Variants in TAFA5 observed in about 807,000 individuals in gnomAD.
TAFA5 encodes the protein TAFA chemokine like family member 5.
In TAFA5, 6 loss-of-function variants were observed where a neutral mutation model predicts 15.3. That is an observed-to-expected ratio of 0.39 (90% CI 0.21 to 0.77). The LOEUF (loss-of-function observed/expected upper bound fraction) is 0.77. Ranked by LOEUF, TAFA5 falls within the 30% of genes least tolerant of loss-of-function variation. The probability of loss-of-function intolerance (pLI) is 0.41; values close to 1 mark genes in which losing one functional copy is unlikely to be tolerated. For missense variants in TAFA5, 161 were observed against 193.1 expected (o/e 0.83, Z 0.98); for synonymous variants, 103 against 80.7 (o/e 1.28, Z -1.48).
At chr22:48,537,309 C>T (rs1170371211) in intron 1 of TAFA5, among the ~76,000 whole-genome samples, 1 of 152,222 alleles carries the variant, frequency 6.6e-6, no homozygotes, top group East Asian at 1.9e-4. Flanking sequence ...TGGTGCATTT[C>T]CAGGCAAGAT....
At chr22:48,562,492 A>G (rs1176904722) in intron 1 of TAFA5, among the ~76,000 whole-genome samples, 1 of 149,606 alleles carries the variant, frequency 6.7e-6, no homozygotes. Flanking sequence ...ACTGAACAGT[A>G]GTGTGGACCT....
At position 48,723,355 on chromosome 22, in the gene TAFA5, G is replaced by A. The variant is rs77437139; in HGVS notation, c.390+15511G>A. Among the ~76,000 whole-genome samples the A allele has an allele frequency of 8.6e-3, 1,306 of 152,286 alleles. 30 individuals carry two copies. The highest frequency in any genetic ancestry group is 0.03 in the African/African-American group (1,247 of 41,554). ...AAATTACTTTAAATGTCAGCTCCCC[G>A]TTAAACCCAAGATATGGCGGGTGGC... On this transcript the variant is annotated intron_variant, in intron 3 of 3. Coordinates refer to ENST00000402357, the MANE Select transcript of TAFA5 (RefSeq NM_001082967.3).
rs1181552184 is a variant in TAFA5, at chr22:48,598,547, TTG to T, written c.113-48045_113-48044del. 6.6e-6 allele frequency among the ~76,000 whole-genome samples: 1 copy of T among 152,154 alleles called. No individual in the cohort carries two copies. The highest frequency in any genetic ancestry group is 2.4e-5 in the African/African-American group (1 of 41,434). ...CCAGCAGTGGCTGCATCTTAGGCAG[TTG>T]TGTGAGATGACCTCCATGTAGGCTG... is the stretch of plus-strand genomic sequence containing the variant. On this transcript the variant is annotated intron_variant, in intron 1 of 3. Coordinates refer to ENST00000402357, the MANE Select transcript of TAFA5 (RefSeq NM_001082967.3). The surrounding 1 kb of genome is among the most constrained non-coding windows in gnomAD (Gnocchi z 4.0).
chr22:48,665,953 G>A (rs566142717), intron 2 of TAFA5, among the ~76,000 whole-genome samples: 15 of 152,206 alleles, frequency 9.9e-5, no homozygotes, highest in South Asian at 6.2e-4. Flanking sequence ...CGCCCCCATC[G>A]CCCCCACCCT....
intron 1 of TAFA5, among the ~76,000 whole-genome samples, chr22:48,631,144 G>A (rs79915920): frequency 2.0e-5 from 3 of 152,214 alleles, no homozygotes; most frequent in Admixed American, 1.3e-4. Flanking sequence ...GGACGGTCAG[G>A]GGACCGGGGC....
At chr22:48,710,538 G>T (rs1306027274) in intron 3 of TAFA5, among the ~76,000 whole-genome samples, 14 of 152,076 alleles carry the variant, frequency 9.2e-5, no homozygotes, top group African/African-American at 2.9e-4. Context: ...GTCCAGGGCC[G>T]CCCAAGCAGC....
intron 1 of TAFA5, chr22:48,576,271 C>A (rs1223028887): frequency 1.3e-6 from 1 of 775,100 alleles, no homozygotes; most frequent in Non-Finnish European, 1.7e-6. Context: ...CGCGGCGCCC[C>A]CCTCCCCCCG....
At chr22:48,576,047 C>CA (rs1353924599) in intron 1 of TAFA5, among the ~76,000 whole-genome samples, 1 of 110,976 alleles carries the variant, frequency 9.0e-6, no homozygotes, top group Non-Finnish European at 1.9e-5. Context: ...GGACCCCCCC[C>CA]CCCCCCGCGC....
At chr22:48,624,104 G>A (rs546726632) in intron 1 of TAFA5, among the ~76,000 whole-genome samples, 40 of 152,272 alleles carry the variant, frequency 2.6e-4, no homozygotes, top group African/African-American at 7.2e-4. Context: ...CAGACTTTCC[G>A]TGTTGTTGAT....
intron 2 of TAFA5, among the ~76,000 whole-genome samples, chr22:48,700,415 G>A (rs1281305030): frequency 3.9e-5 from 6 of 152,204 alleles, no homozygotes; most frequent in East Asian, 1.9e-4. Flanking sequence ...TAGAGCTCCC[G>A]GGGCAGAGCA....
intron 2 of TAFA5, among the ~76,000 whole-genome samples, chr22:48,694,769 A>C (rs1294274376): frequency 6.8e-6 from 1 of 147,740 alleles, no homozygotes; most frequent in African/African-American, 2.5e-5. Flanking sequence ...CCCACCGCTC[A>C]GACCTCCTCC....
chr22:48,726,011 G>A (rs563992878), intron 3 of TAFA5, among the ~76,000 whole-genome samples: 1 of 152,332 alleles, frequency 6.6e-6, no homozygotes, highest in East Asian at 1.9e-4. Context: ...AAACCCTTGT[G>A]ATAACCATCC....
At chr22:48,609,786 CT>C (rs1377606580) in intron 1 of TAFA5, among the ~76,000 whole-genome samples, 1 of 152,162 alleles carries the variant, frequency 6.6e-6, no homozygotes, top group African/African-American at 2.4e-5. Flanking sequence ...TTCTGAGGGT[CT>C]TGGGGGAGAA....
At chr22:48,664,368 C>G (rs1927543130) in intron 2 of TAFA5, among the ~76,000 whole-genome samples, 1 of 152,202 alleles carries the variant, frequency 6.6e-6, no homozygotes, top group African/African-American at 2.4e-5. Flanking sequence ...ATGATCTTCC[C>G]TCATCATCAG....
intron 2 of TAFA5, chr22:48,693,160 C>A: frequency 1.2e-6 from 1 of 843,568 alleles, no homozygotes; most frequent in Non-Finnish European, 1.8e-6. Context: ...GAAGCCTCTG[C>A]TGGAAAATAC....
intron 1 of TAFA5, among the ~76,000 whole-genome samples, chr22:48,633,557 T>TCTCC (rs1439227475): frequency 2.0e-5 from 3 of 150,714 alleles, no homozygotes; most frequent in African/African-American, 4.9e-5. Context: ...TCTCTCTCTC[T>TCTCC]CCATCTCTCC....
intron 2 of TAFA5, among the ~76,000 whole-genome samples, chr22:48,687,972 C>T (rs1007238554): frequency 7.3e-5 from 11 of 151,392 alleles, no homozygotes; most frequent in African/African-American, 9.7e-5. Context: ...TCTGTCAGTT[C>T]GTAGGAATTT....
intron 2 of TAFA5, among the ~76,000 whole-genome samples, chr22:48,681,819 A>AACTTC (rs1486281591): frequency 4.1e-5 from 5 of 122,296 alleles, no homozygotes; most frequent in East Asian, 2.0e-4. Flanking sequence ...TGTTGTCCAC[A>AACTTC]TGTAGACTCT....
At chr22:48,690,044 T>TGGGGGGC (rs1569080523) in intron 2 of TAFA5, among the ~76,000 whole-genome samples, 17 of 151,844 alleles carry the variant, frequency 1.1e-4, no homozygotes, top group African/African-American at 4.1e-4. Context: ...GGAGGTGGGC[T>TGGGGGGC]TGGCTGGGGT....
Sources: gnomAD v4.1 joint callset for allele counts (sites outside exome capture counted in the v4.1 genomes callset) on GRCh38, gnomAD v4.1.1 for gene constraint, Gnocchi (gnomAD v3.1) non-coding constraint, MANE v1.5 for transcripts, NCBI Gene and HGNC (gene_info 2026-07-23, HGNC 2026-07-21) for gene names.